Variants in ERICH3 observed in about 807,000 individuals in gnomAD.
ERICH3 encodes glutamate-rich protein 3.
A neutral mutation model predicts 131.1 loss-of-function variants in ERICH3; 126 were observed. The ratio of observed to expected loss-of-function variants is 0.96; its 90% CI spans 0.83 to 1.11. The LOEUF is 1.11. Among genes scored for constraint, ERICH3 ranks in the 50% most tolerant of loss-of-function variants. ERICH3 has a pLI of 0.00. For synonymous variants in ERICH3, 695 were observed against 644.6 expected (o/e 1.08, Z -1.18); for missense variants, 2,050 against 1,810.7 (o/e 1.13, Z -2.40).
In ERICH3 at chr1:74,571,566, C is replaced by A; in HGVS notation, c.4144G>T (p.Ala1382Ser). 1 of 1,614,182 alleles carries A rather than the reference C, an allele frequency of 6.2e-7. No individual in the cohort carries two copies. ...TGTTGGTGCCAGGTTTCTTCCTCAG[C>A]AACATCTGAAAAGGAGGAGGCTTTA... ...ANKASSFSDV[A>S]EEETWHQQDE... Residue 1382 changes from alanine to serine, a missense_variant, in exon 14 of 15, where the codon GCT (alanine) becomes TCT (serine). Physicochemically the swap from Ala to Ser is moderately conservative, Grantham distance 99. Coordinates refer to ENST00000326665, the MANE Select transcript of ERICH3 (RefSeq NM_001002912.5).
intron 10 of ERICH3, among the ~76,000 whole-genome samples, chr1:74,605,038 T>C (rs972689021): frequency 6.6e-6 from 1 of 152,020 alleles, no homozygotes; most frequent in Non-Finnish European, 1.5e-5. Flanking sequence ...CTGTTTAATG[T>C]AGCTACATTT....
intron 5 of ERICH3, among the ~76,000 whole-genome samples, chr1:74,636,918 G>A (rs539258238): frequency 6.6e-6 from 1 of 152,218 alleles, no homozygotes; most frequent in East Asian, 1.9e-4. Context: ...AAAGCAGACA[G>A]TATAATTCAA....
At chr1:74,579,375 A>G in intron 12 of ERICH3, 1 of 984,340 alleles carries the variant, frequency 1.0e-6, no homozygotes, top group South Asian at 4.7e-5. Context: ...GCCAAACAAT[A>G]CTAACATCAT....
chr1:74,571,822 C>T lies in ERICH3; in HGVS notation c.3888G>A (p.Glu1296=). The change falls in exon 14 of 15, where the codon GAG becomes GAA. Residue 1296 remains glutamate, a synonymous_variant. Transcript: ENST00000326665. ...REEAVDEDPE[E]EEDKECTLET... is the part of the protein sequence containing the mutation. ...CCAGAGTGCACTCTTTGTCCTCTTC[C>T]TCCTCTGGGTCCTCATCCACCGCTT... 2 of 1,613,196 alleles carry T rather than the reference C, an allele frequency of 1.2e-6. No individual in the cohort carries two copies. Among genetic ancestry groups the T allele is most frequent in the South Asian group, 1.1e-5 (1 of 91,080 alleles).
chr1:74,590,141 A>C (rs1463892376), intron 11 of ERICH3, 61 bp from the exon 12 acceptor site: 2 of 1,358,070 alleles, frequency 1.5e-6, no homozygotes, highest in Non-Finnish European at 2.0e-6. Flanking sequence ...TTTAATTGTA[A>C]AAATTATGTT....
Position 74,571,740 on chromosome 1 carries a change from C to T in ERICH3, c.3970G>A (p.Gly1324Arg), listed in dbSNP as rs1054138312. ...SEGDGDMEGE[G>R]NTQKNEGMGG... ...ATGCCCTCATTCTTTTGTGTGTTTC[C>T]TTCTCCTTCCATGTCCCCGTCCCCT... Residue 1324 changes from glycine (G) to arginine (R), a missense_variant, in exon 14 of 15, where the codon GGA (glycine) becomes AGA (arginine). Transcript: ENST00000326665. 6.2e-7 allele frequency: 1 copy of T among 1,614,108 alleles called. No individual in the cohort carries two copies. Among genetic ancestry groups the T allele is most frequent in the Non-Finnish European group, 8.5e-7 (1 of 1,180,016 alleles).
rs765493161 is a variant in ERICH3, at chr1:74,568,392, T to C, written c.*2066A>G. ...AATTTTTCAATGGGATTAATACATT[T>C]ACTATCTTTCCTATAAGGTGTGATG... On this transcript the variant is annotated 3_prime_UTR_variant, in exon 15 of 15. Transcript: ENST00000326665. 30 of 152,180 alleles carry C rather than the reference T, an allele frequency of 2.0e-4. No homozygotes were observed. The highest frequency in any genetic ancestry group is 4.8e-4 in the African/African-American group (20 of 41,452). 9.4% of individuals were successfully genotyped at this position (152,180 alleles called of 1,614,324 possible).
chr1:74,614,277 T>G (rs540322814), intron 8 of ERICH3, among the ~76,000 whole-genome samples: 22 of 150,278 alleles, frequency 1.5e-4, no homozygotes, highest in Non-Finnish European at 2.1e-4. Context: ...GACAATGGCA[T>G]AGAAGGCTCC....
At chr1:74,604,647 G>A (rs1203155406) in intron 10 of ERICH3, among the ~76,000 whole-genome samples, 1 of 151,978 alleles carries the variant, frequency 6.6e-6, no homozygotes, top group Non-Finnish European at 1.5e-5. Context: ...CAAAGTTCTT[G>A]AGTGACCAGG....
At chr1:74,590,863 T>C (rs1468383565) in intron 11 of ERICH3, among the ~76,000 whole-genome samples, 1 of 152,194 alleles carries the variant, frequency 6.6e-6, no homozygotes, top group Non-Finnish European at 1.5e-5. Flanking sequence ...ACCATCCCTG[T>C]TTTTTTGTTG....
chr1:74,643,240 G>C, intron 3 of ERICH3, 142 bp from the exon 4 acceptor site: 1 of 582,868 alleles, frequency 1.7e-6, no homozygotes, highest in East Asian at 2.9e-5. Flanking sequence ...CTGCATCAGT[G>C]CACAAGTGGG....
intron 13 of ERICH3, among the ~76,000 whole-genome samples, chr1:74,575,283 A>G (rs1020897187): frequency 6.6e-6 from 1 of 152,202 alleles, no homozygotes; most frequent in Non-Finnish European, 1.5e-5. Flanking sequence ...CTGATATTAC[A>G]TTTCCCTTAA....
intron 1 of ERICH3, among the ~76,000 whole-genome samples, chr1:74,667,200 T>C (rs1646700494): frequency 1.3e-5 from 2 of 152,220 alleles, no homozygotes; most frequent in Admixed American, 1.3e-4. Flanking sequence ...TATCTTTTTT[T>C]ATATGAATCA....
At chr1:74,630,684 C>CGGAAATTAGGAAATAA (rs1398820488) in intron 7 of ERICH3, among the ~76,000 whole-genome samples, 2 of 151,934 alleles carry the variant, frequency 1.3e-5, no homozygotes, top group African/African-American at 4.8e-5. Context: ...TAATTTGCTC[C>CGGAAATTAGGAAATAA]TTTATCTAAG....
In ERICH3 at chr1:74,592,857, ATAAAAAAGC is replaced by A. The variant is rs201832687; in HGVS notation, c.1727-2786_1727-2778del. ...CAGACACGGGGGTAAGACTTTGCCT[ATAAAAAAGC>A]TAAAAAAGCTTCAGGGTTATGAAAT... On this transcript the variant is annotated intron_variant, in intron 11 of 14. Transcript: ENST00000326665. Among the ~76,000 whole-genome samples the A allele has an allele frequency of 8.8e-3, 1,344 of 152,268 alleles. 18 individuals are homozygous for A. Among genetic ancestry groups the A allele is most frequent in the African/African-American group, 0.03 (1,263 of 41,558 alleles).
At chr1:74,673,324 C>T (rs1339465122) in intron 1 of ERICH3, among the ~76,000 whole-genome samples, 173 bp downstream of exon 1, 2 of 152,050 alleles carry the variant, frequency 1.3e-5, no homozygotes, top group Non-Finnish European at 2.9e-5. Context: ...GACATGATGC[C>T]TGGGATTTCT....
At chr1:74,596,985 A>G (rs1000869414) in intron 11 of ERICH3, among the ~76,000 whole-genome samples, 7 of 152,082 alleles carry the variant, frequency 4.6e-5, no homozygotes, top group Non-Finnish European at 1.0e-4. Context: ...CCCTCTGGGA[A>G]CAGGTGTAGG....
chr1:74,596,215 A>G (rs1647841365), intron 11 of ERICH3, among the ~76,000 whole-genome samples: 1 of 152,002 alleles, frequency 6.6e-6, no homozygotes, highest in Non-Finnish European at 1.5e-5. Flanking sequence ...TTCAAGTCTT[A>G]CTTTCTTTTT....
At chr1:74,603,142 C>A (rs1395008752) in intron 10 of ERICH3, among the ~76,000 whole-genome samples, 1 of 151,806 alleles carries the variant, frequency 6.6e-6, no homozygotes, top group Non-Finnish European at 1.5e-5. Flanking sequence ...GTACCCCAAC[C>A]CATGGTTATT....
Sources: allele counts gnomAD v4.1 joint callset (sites outside exome capture counted in the v4.1 genomes callset), GRCh38; gene constraint gnomAD v4.1.1; transcripts MANE v1.5; gene names NCBI Gene and HGNC (gene_info 2026-07-23, HGNC 2026-07-21).